Variants in TBC1D5 observed in about 807,000 individuals in gnomAD.
The protein encoded by TBC1D5 is TBC1 domain family member 5.
Under a neutral mutation model 100.3 loss-of-function variants are expected in TBC1D5, and 75 were observed. The ratio of observed to expected loss-of-function variants is 0.75; its 90% CI spans 0.62 to 0.91. The LOEUF is 0.91. Ranked by LOEUF, TBC1D5 falls within the 40% of genes least tolerant of loss-of-function variation. The probability of loss-of-function intolerance (pLI) is 0.00; values close to 1 mark genes in which losing one functional copy is unlikely to be tolerated. For synonymous variants in TBC1D5, 323 were observed against 325.6 expected (o/e 0.99, Z 0.09); for missense variants, 910 against 942.4 (o/e 0.97, Z 0.45).
At chr3:17,545,333 T>C (rs2096404362) in intron 2 of TBC1D5, among the ~76,000 whole-genome samples, 1 of 152,168 alleles carries the variant, frequency 6.6e-6, no homozygotes, top group African/African-American at 2.4e-5. Context: ...GACTGCCACT[T>C]ACAAGCCAAA....
At chr3:17,599,891 A>C (rs1391890189) in intron 2 of TBC1D5, among the ~76,000 whole-genome samples, 1 of 152,202 alleles carries the variant, frequency 6.6e-6, no homozygotes, top group Non-Finnish European at 1.5e-5. Context: ...GATGGGGAAA[A>C]GGTTGATCAG....
exon 18 of TBC1D5, chr3:17,214,231 G>A (rs1467716671): frequency 6.2e-7 from 1 of 1,612,684 alleles, no homozygotes; most frequent in Middle Eastern, 1.7e-4. Context: ...CCATAGTTTT[G>A]CTGTGTGAGC....
chr3:17,738,235 T>C (rs1240770652), intron 1 of TBC1D5, among the ~76,000 whole-genome samples: 1 of 152,216 alleles, frequency 6.6e-6, no homozygotes, highest in Non-Finnish European at 1.5e-5. Flanking sequence ...TCTTGGCCCA[T>C]AGAGCCTTAT....
At position 17,404,859 on chromosome 3, in the gene TBC1D5, AC is replaced by A; in HGVS notation, c.366+12del. ...GAAAACAATTACATTAATTAAATAT[AC>A]TATTTACTTACTATTTCTTTAATGT... On this transcript the variant is annotated intron_variant, in intron 6 of 21. Transcript: ENST00000253692. The A allele has an allele frequency of 6.5e-7, 1 of 1,540,210 alleles. No homozygotes were observed. Among genetic ancestry groups the A allele is most frequent in the East Asian group, 2.3e-5 (1 of 43,756 alleles).
At chr3:17,337,921 CAATT>C (rs887651555) in intron 13 of TBC1D5, among the ~76,000 whole-genome samples, 9 of 152,048 alleles carry the variant, frequency 5.9e-5, no homozygotes, top group Admixed American at 4.6e-4. Flanking sequence ...AAATAATTAT[CAATT>C]AATTAAGCTG....
At chr3:17,645,627 G>C (rs899801982) in intron 1 of TBC1D5, among the ~76,000 whole-genome samples, 1 of 151,978 alleles carries the variant, frequency 6.6e-6, no homozygotes, top group Non-Finnish European at 1.5e-5. Context: ...CTAGGCTTAG[G>C]TTTCCTCTTT....
At chr3:17,566,852 T>C (rs1307428147) in intron 2 of TBC1D5, among the ~76,000 whole-genome samples, 1 of 151,864 alleles carries the variant, frequency 6.6e-6, no homozygotes, top group African/African-American at 2.4e-5. Context: ...ATGGAAATTC[T>C]GTTGTTCAAC....
intron 1 of TBC1D5, among the ~76,000 whole-genome samples, chr3:17,684,908 A>G (rs148827079): frequency 1.1e-4 from 16 of 152,106 alleles, no homozygotes; most frequent in African/African-American, 3.9e-4. Context: ...ATTTCTCTGA[A>G]CTGTCCTAAA....
At chr3:17,442,556 A>G (rs1158750815) in intron 3 of TBC1D5, among the ~76,000 whole-genome samples, 2 of 152,232 alleles carry the variant, frequency 1.3e-5, no homozygotes, top group Middle Eastern at 3.2e-3. Context: ...AGGCCTGGAC[A>G]TGGGGATTCT....
intron 1 of TBC1D5, among the ~76,000 whole-genome samples, chr3:17,631,246 A>G (rs543123132): frequency 2.6e-5 from 4 of 152,314 alleles, no homozygotes; most frequent in African/African-American, 9.6e-5. Context: ...CCCTTAAACC[A>G]AAGTCTAATC....
intron 2 of TBC1D5, among the ~76,000 whole-genome samples, chr3:17,621,774 T>C (rs1421746415): frequency 1.3e-5 from 2 of 152,124 alleles, no homozygotes; most frequent in Non-Finnish European, 2.9e-5. Context: ...CTTGTACATT[T>C]ATCAGAATGT....
At chr3:17,466,158 T>C (rs1466492039) in intron 3 of TBC1D5, among the ~76,000 whole-genome samples, 1 of 152,218 alleles carries the variant, frequency 6.6e-6, no homozygotes, top group African/African-American at 2.4e-5. Flanking sequence ...TGCCTAGAGA[T>C]ACCGCTATAG....
chr3:17,283,716 A>T lies in TBC1D5; in HGVS notation c.1245+8179T>A, dbSNP rs575514157. Among the ~76,000 whole-genome samples the T allele has an allele frequency of 1.8e-4, 27 of 152,164 alleles. No homozygotes were observed. In the South Asian group the frequency reaches 5.6e-3, roughly 32 times the overall value. ...GCCAAGAATCACCGAGAATCCCGTAATCTTTCTGAAATTTCAAACTGTGAT... is the reference window on the plus strand; with the variant it reads ...GCCAAGAATCACCGAGAATCCCGTATTCTTTCTGAAATTTCAAACTGTGAT... On this transcript the variant is annotated intron_variant, in intron 15 of 21. Transcript: ENST00000253692.
rs376637448 is a variant in TBC1D5 at position 17,477,937 on chromosome 3, T to C, written c.97+30537A>G. 2.4e-3 allele frequency among the ~76,000 whole-genome samples: 373 copies of C among 152,266 alleles called. 5 individuals are homozygous for C. Among genetic ancestry groups the C allele is most frequent in the Admixed American group, 5.7e-3 (87 of 15,306 alleles). ...TTCACATAAGAGAATACTTGTATTG[T>C]CTTTTTAACCAGTTCATAATTCTGA... On this transcript the variant is annotated intron_variant, in intron 3 of 21. Transcript: ENST00000253692.
At chr3:17,342,556 T>C (rs749265083) in intron 13 of TBC1D5, among the ~76,000 whole-genome samples, 1 of 152,264 alleles carries the variant, frequency 6.6e-6, no homozygotes, top group African/African-American at 2.4e-5. Context: ...TTACACATAC[T>C]CTTTTACATA....
rs77022336 is a variant in TBC1D5 at position 17,398,221 on chromosome 3, C to T, written c.509+4960G>A. Among the ~76,000 whole-genome samples the T allele has an allele frequency of 8.9e-4, 135 of 152,088 alleles. 2 individuals carry two copies. The East Asian group carries it at 0.025, about 28-fold the overall frequency. ...ATTCCTTGATTTACCTTTTGATTATCAGTTTTTTCAGTAATAAAAATGGGA... is the reference window on the plus strand; with the variant it reads ...ATTCCTTGATTTACCTTTTGATTATTAGTTTTTTCAGTAATAAAAATGGGA... On this transcript the variant is annotated intron_variant, in intron 8 of 21. Transcript: ENST00000253692.
At chr3:17,348,752 A>G (rs1187772827) in intron 13 of TBC1D5, among the ~76,000 whole-genome samples, 1 of 152,148 alleles carries the variant, frequency 6.6e-6, no homozygotes, top group Non-Finnish European at 1.5e-5. Context: ...ATACCTGCCT[A>G]CTTCATCAAA....
At chr3:17,440,579 T>C (rs1349898482) in intron 3 of TBC1D5, among the ~76,000 whole-genome samples, 7 of 152,200 alleles carry the variant, frequency 4.6e-5, no homozygotes, top group Non-Finnish European at 1.5e-5. Flanking sequence ...ATGGAGCCAC[T>C]GCACTGCAGC....
At chr3:17,703,984 G>T (rs1250489598) in intron 1 of TBC1D5, among the ~76,000 whole-genome samples, 1 of 142,526 alleles carries the variant, frequency 7.0e-6, no homozygotes, top group East Asian at 2.0e-4. Flanking sequence ...GATTTGGCAG[G>T]GTCATGGGAC....
Sources: allele counts gnomAD v4.1 joint callset (sites outside exome capture counted in the v4.1 genomes callset), GRCh38; gene constraint gnomAD v4.1.1; transcripts MANE v1.5; gene names NCBI Gene and HGNC (gene_info 2026-07-23, HGNC 2026-07-21).